Variants in TSHR observed in about 807,000 individuals in gnomAD.
TSHR encodes thyroid stimulating hormone receptor, also known as thyrotropin receptor.
In TSHR, 51 loss-of-function variants were observed where a neutral mutation model predicts 64.1. The ratio of observed to expected loss-of-function variants is 0.80; its 90% CI spans 0.64 to 1.01. The LOEUF is 1.01. Ranked by LOEUF, TSHR falls within the 50% of genes least tolerant of loss-of-function variation. The pLI is 0.00. For missense variants in TSHR, 877 were observed against 942.8 expected (o/e 0.93, Z 0.91); for synonymous variants, 361 against 361.9 (o/e 1.00, Z 0.03).
rs75887592 is a variant in TSHR, at chr14:81,003,114, C to T, written c.170+47264C>T. 2.4e-4 allele frequency among the ~76,000 whole-genome samples: 36 copies of T among 152,020 alleles called. 1 individual carries two copies. In the East Asian group the frequency reaches 6.0e-3, roughly 25 times the overall value. On this transcript the variant is annotated intron_variant, in intron 1 of 9. Coordinates refer to ENST00000298171, the MANE Select transcript of TSHR (RefSeq NM_000369.5). The stretch of plus-strand genomic sequence containing the variant: ...GCCTCTTAACTGCCAGTTTAAAAGA[C>T]TGCTGTTTAGTTTCTTTTGTGCTGT...
intron 1 of TSHR, among the ~76,000 whole-genome samples, chr14:80,988,079 A>G (rs1217448086): frequency 6.6e-6 from 1 of 152,222 alleles, no homozygotes; most frequent in African/African-American, 2.4e-5. Context: ...ACCTATTGTC[A>G]TCATTAAAAT....
intron 2 of TSHR, among the ~76,000 whole-genome samples, chr14:81,066,023 G>T (rs926639116): frequency 6.6e-6 from 1 of 152,168 alleles, no homozygotes; most frequent in Non-Finnish European, 1.5e-5. Context: ...ATTTTTCCTA[G>T]TTGTAAAAAT....
chr14:81,090,998 T>G, intron 4 of TSHR, 71 bp from the exon 5 acceptor site: 1 of 1,309,070 alleles, frequency 7.6e-7, no homozygotes, highest in African/African-American at 1.4e-5. Flanking sequence ...TATTACATTA[T>G]TCTCCTTCCT....
At chr14:80,999,926 C>CT (rs887541689) in intron 1 of TSHR, among the ~76,000 whole-genome samples, 14 of 142,872 alleles carry the variant, frequency 9.8e-5, no homozygotes, top group East Asian at 4.4e-4. Flanking sequence ...AATTTTTTTT[C>CT]TTTTTTTTCT....
At chr14:81,014,671 C>T (rs1214776539) in intron 1 of TSHR, among the ~76,000 whole-genome samples, 1 of 152,164 alleles carries the variant, frequency 6.6e-6, no homozygotes, top group Non-Finnish European at 1.5e-5. Context: ...CAAACCAAGG[C>T]TAACAGACTT....
intron 8 of TSHR, among the ~76,000 whole-genome samples, chr14:81,132,731 G>T (rs1484687103): frequency 6.6e-6 from 1 of 152,088 alleles, no homozygotes; most frequent in African/African-American, 2.4e-5. Flanking sequence ...TGAAGAGAGT[G>T]CCAGAGTCAA....
chr14:81,001,293 G>T, intron 1 of TSHR: 1 of 242,944 alleles, frequency 4.1e-6, no homozygotes, highest in South Asian at 5.3e-5. Flanking sequence ...TACTGAAAAG[G>T]AACAGATTGT....
rs560609300 is a variant in TSHR, at chr14:81,139,546, C to G, written c.693-133C>G. ...ATCCCTCCTTAGACCAGAAGCTCAG[C>G]TTATGTACTCAGTAGAAGAAAGGAG... On this transcript the variant is annotated intron_variant, in intron 8 of 9. Coordinates refer to ENST00000298171, the MANE Select transcript of TSHR (RefSeq NM_000369.5). The G allele has an allele frequency of 4.3e-6, 4 of 927,390 alleles. No homozygotes were observed. In the South Asian group the frequency reaches 5.6e-5, roughly 13 times the overall value. The allele number at this position is 927,390 out of a possible 1,614,324, so 57.4% of individuals were successfully genotyped here.
chr14:81,081,423 G>A (rs8008556), intron 3 of TSHR, among the ~76,000 whole-genome samples: 5,467 of 152,158 alleles, frequency 0.036, 307 homozygotes, highest in African/African-American at 0.12. Context: ...TGGGGGAGGG[G>A]CGCAGAGCTT....
rs1884915264 is a variant in TSHR at position 81,041,382 on chromosome 14, G to A, written c.171-20766G>A. 2.6e-5 allele frequency among the ~76,000 whole-genome samples: 4 copies of A among 152,236 alleles called. No individual in the cohort carries two copies. The South Asian group carries it at 6.2e-4, about 24-fold the overall frequency. ...TGTCCTTTGCAGGGACATGGATGAAGCTAGGGGCAATTATCCTTAGCAAAC... is the reference window on the plus strand; with the variant it reads ...TGTCCTTTGCAGGGACATGGATGAAACTAGGGGCAATTATCCTTAGCAAAC... On this transcript the variant is annotated intron_variant, in intron 1 of 9. Transcript: ENST00000298171.
intron 1 of TSHR, chr14:80,991,858 A>C (rs772012937): frequency 3.0e-6 from 1 of 334,860 alleles, no homozygotes; most frequent in African/African-American, 2.1e-5. Context: ...TCGGTCATAC[A>C]TATCTGAGGG....
chr14:81,062,266 T>A, intron 2 of TSHR, 47 bp downstream of exon 2: 1 of 1,424,096 alleles, frequency 7.0e-7, no homozygotes, highest in Non-Finnish European at 9.9e-7. Context: ...TGATATGTTA[T>A]TCTCTAAACG....
At chr14:80,965,100 G>A (rs1365661256) in intron 1 of TSHR, among the ~76,000 whole-genome samples, 1 of 152,198 alleles carries the variant, frequency 6.6e-6, no homozygotes, top group Non-Finnish European at 1.5e-5. Flanking sequence ...TATTTATTGG[G>A]TAGCAAGGGC....
At chr14:81,027,118 TC>T (rs1884103254) in intron 1 of TSHR, among the ~76,000 whole-genome samples, 1 of 150,170 alleles carries the variant, frequency 6.7e-6, no homozygotes, top group African/African-American at 2.4e-5. Context: ...ATTCATGACA[TC>T]TTGAGAAAGT....
intron 7 of TSHR, among the ~76,000 whole-genome samples, chr14:81,100,091 A>G (rs1037436579): frequency 1.3e-5 from 2 of 152,114 alleles, no homozygotes; most frequent in Non-Finnish European, 2.9e-5. Context: ...GGAGAGGGGG[A>G]GCTATGTTCC....
At chr14:81,059,851 C>G (rs529679752) in intron 1 of TSHR, among the ~76,000 whole-genome samples, 9 of 152,190 alleles carry the variant, frequency 5.9e-5, no homozygotes, top group African/African-American at 1.9e-4. Flanking sequence ...TGTGCCACAA[C>G]TAACTCAATA....
intron 4 of TSHR, among the ~76,000 whole-genome samples, chr14:81,088,667 A>G (rs1278415335): frequency 1.3e-5 from 2 of 152,214 alleles, no homozygotes. Flanking sequence ...CCTGGATACC[A>G]GGTGGAAGAG....
intron 8 of TSHR, among the ~76,000 whole-genome samples, chr14:81,131,752 T>C (rs7157307): frequency 0.084 from 12,724 of 152,222 alleles, 581 homozygotes; most frequent in Middle Eastern, 0.14. Context: ...TCATCTCTCA[T>C]TGTGACCCAC....
chr14:81,037,861 G>A (rs1884725368), intron 1 of TSHR, among the ~76,000 whole-genome samples: 1 of 150,236 alleles, frequency 6.7e-6, no homozygotes, highest in African/African-American at 2.4e-5. Context: ...GATACAGACT[G>A]CAATACAATA....
Sources: allele counts gnomAD v4.1 joint callset (sites outside exome capture counted in the v4.1 genomes callset), GRCh38; gene constraint gnomAD v4.1.1; transcripts MANE v1.5; gene names NCBI Gene and HGNC (gene_info 2026-07-23, HGNC 2026-07-21).